Variants in CSMD1 observed in about 807,000 individuals in gnomAD.
CSMD1 encodes CUB and Sushi multiple domains 1.
CSMD1 carries 213 observed loss-of-function variants against 417.5 expected under a neutral mutation model. That is an observed-to-expected ratio of 0.51 (90% CI 0.46 to 0.57). CSMD1 has a LOEUF of 0.57. Ranked by LOEUF, CSMD1 falls within the 20% of genes least tolerant of loss-of-function variation. The pLI is 0.00. For synonymous variants in CSMD1, 2,862 were observed against 1,736.8 expected, an observed-to-expected ratio of 1.65 and a Z score of -16.11; for missense variants, 6,923 against 4,529.7, an observed-to-expected ratio of 1.53 and a Z score of -15.17.
intron 1 of CSMD1, among the ~76,000 whole-genome samples, chr8:4,890,093 G>C (rs1804007273): frequency 6.6e-6 from 1 of 152,102 alleles, no homozygotes; most frequent in Admixed American, 6.5e-5. Flanking sequence ...TCAGAAACTA[G>C]TTCTAAGAAA....
At chr8:4,788,223 G>C (rs542657255) in intron 1 of CSMD1, 15 of 1,586,024 alleles carry the variant, frequency 9.5e-6, no homozygotes, top group Non-Finnish European at 1.2e-5. Flanking sequence ...TGCGCATAAA[G>C]GACCAGATGA....
intron 3 of CSMD1, among the ~76,000 whole-genome samples, chr8:4,333,049 A>C (rs1478403455): frequency 6.6e-6 from 1 of 152,078 alleles, no homozygotes; most frequent in Non-Finnish European, 1.5e-5. Context: ...AACCATTTTA[A>C]ATGTCAAGAG....
chr8:4,413,577 G>A (rs941957564), intron 3 of CSMD1, among the ~76,000 whole-genome samples: 2 of 149,914 alleles, frequency 1.3e-5, no homozygotes, highest in African/African-American at 4.9e-5. Flanking sequence ...TTTTATCATA[G>A]CAAGAACGCT....
chr8:4,799,720 A>C (rs936779229), intron 1 of CSMD1, among the ~76,000 whole-genome samples: 2 of 152,018 alleles, frequency 1.3e-5, no homozygotes, highest in African/African-American at 4.8e-5. Context: ...ATTAAAAACA[A>C]AATTGGCATT....
chr8:4,204,076 G>C (rs899405358), intron 3 of CSMD1, among the ~76,000 whole-genome samples: 8 of 152,124 alleles, frequency 5.3e-5, no homozygotes, highest in East Asian at 1.9e-4. Context: ...ACTCCAGCCT[G>C]GGTGACAGAA....
intron 3 of CSMD1, among the ~76,000 whole-genome samples, chr8:4,258,360 A>G (rs1441796728): frequency 1.2e-4 from 2 of 17,338 alleles, no homozygotes; most frequent in Non-Finnish European, 2.0e-4. Flanking sequence ...AAAGAGAAGG[A>G]GGGAAGGAGG....
chr8:4,856,036 A>G (rs1412685783), intron 1 of CSMD1, among the ~76,000 whole-genome samples: 3 of 152,164 alleles, frequency 2.0e-5, no homozygotes, highest in South Asian at 4.1e-4. Flanking sequence ...TACCCTCAAA[A>G]GGAAGCCCAT....
rs1279247783 is a variant in CSMD1 at position 3,535,878 on chromosome 8, T to A, written c.1344+39067A>T. 2.0e-5 allele frequency among the ~76,000 whole-genome samples: 3 copies of A among 152,166 alleles called. No individual in the cohort carries two copies. In the South Asian group the frequency reaches 6.2e-4, roughly 32 times the overall value. On this transcript the variant is annotated intron_variant, in intron 10 of 69. Transcript: ENST00000635120. ...TTTGGCCCTGTTGTAGGTAGAACTCTAGGCTGGCCACTAAGCTTCCCCCTC... is the reference window on the plus strand; with the variant it reads ...TTTGGCCCTGTTGTAGGTAGAACTCAAGGCTGGCCACTAAGCTTCCCCCTC...
intron 10 of CSMD1, among the ~76,000 whole-genome samples, chr8:3,547,156 C>T (rs11778418): frequency 0.28 from 43,000 of 152,050 alleles, 7,303 homozygotes; most frequent in East Asian, 0.4. Context: ...AAGCTCTGGG[C>T]TTGGCAAAGA....
At chr8:4,031,447 G>A (rs990412152) in intron 4 of CSMD1, among the ~76,000 whole-genome samples, 8 of 152,090 alleles carry the variant, frequency 5.3e-5, no homozygotes, top group African/African-American at 1.7e-4. Context: ...TAAGACTTAT[G>A]TGCTATGATG....
At chr8:4,372,306 A>T (rs540224583) in intron 3 of CSMD1, among the ~76,000 whole-genome samples, 61 of 152,280 alleles carry the variant, frequency 4.0e-4, no homozygotes, top group African/African-American at 1.4e-3. Context: ...AAATGACATC[A>T]TGAGAACAGA....
At chr8:3,478,326 T>A (rs570387843) in intron 11 of CSMD1, among the ~76,000 whole-genome samples, 46 of 152,206 alleles carry the variant, frequency 3.0e-4, no homozygotes, top group Admixed American at 3.3e-4. Context: ...AAATAAAAGT[T>A]GACTAAAGCC....
chr8:3,462,474 G>C (rs1249623663), intron 12 of CSMD1, among the ~76,000 whole-genome samples: 3 of 152,134 alleles, frequency 2.0e-5, no homozygotes, highest in South Asian at 2.1e-4. Flanking sequence ...TCTCCTAGGA[G>C]TGTGAACCCT....
At chr8:4,395,487 A>T (rs867053542) in intron 3 of CSMD1, among the ~76,000 whole-genome samples, 1 of 151,928 alleles carries the variant, frequency 6.6e-6, no homozygotes, top group Middle Eastern at 3.2e-3. Flanking sequence ...TGAAGAATAC[A>T]AATCTCCACC....
rs146261042 is a variant in CSMD1 at position 4,149,609 on chromosome 8, G to T, written c.416-117510C>A. ...TATGCTAAAAGGGAAATAAACAACT[G>T]GTCCTTCTGTCTGTAGAATCATCCT... On this transcript the variant is annotated intron_variant, in intron 3 of 69. Transcript: ENST00000635120. Among the ~76,000 whole-genome samples the T allele has an allele frequency of 2.0e-4, 31 of 152,240 alleles. No homozygotes were observed. The East Asian group carries it at 5.6e-3, about 27-fold the overall frequency.
intron 3 of CSMD1, among the ~76,000 whole-genome samples, chr8:4,198,620 T>C (rs1024723078): frequency 9.2e-5 from 14 of 152,184 alleles, no homozygotes; most frequent in African/African-American, 3.1e-4. Context: ...TTTAAGCATA[T>C]AGATCGATGG....
At chr8:4,310,463 A>G (rs539083997) in intron 3 of CSMD1, among the ~76,000 whole-genome samples, 2 of 152,338 alleles carry the variant, frequency 1.3e-5, no homozygotes, top group East Asian at 3.9e-4. Context: ...GATGAACAGC[A>G]TGCGTTATCT....
intron 18 of CSMD1, among the ~76,000 whole-genome samples, chr8:3,386,921 A>G (rs1303633455): frequency 6.6e-6 from 1 of 152,220 alleles, no homozygotes; most frequent in African/African-American, 2.4e-5. Flanking sequence ...TGAGCAATAC[A>G]ATAACACAAA....
At chr8:4,039,758 A>T (rs1797792895) in intron 3 of CSMD1, among the ~76,000 whole-genome samples, 1 of 152,144 alleles carries the variant, frequency 6.6e-6, no homozygotes, top group Non-Finnish European at 1.5e-5. Flanking sequence ...GATGTGGGGG[A>T]AGTCGTTGTG....
Sources: allele counts gnomAD v4.1 joint callset (sites outside exome capture counted in the v4.1 genomes callset), GRCh38; gene constraint gnomAD v4.1.1; transcripts MANE v1.5; gene names NCBI Gene and HGNC (gene_info 2026-07-23, HGNC 2026-07-21).